The following KMT2C variants were observed in gnomAD, a reference collection of about 807,000 sequenced individuals.
KMT2C encodes lysine methyltransferase 2C.
In KMT2C, 88 loss-of-function variants were observed where a neutral mutation model predicts 507.9. The observed-to-expected ratio is 0.17, with a 90% confidence interval of 0.15 to 0.21. The LOEUF (loss-of-function observed/expected upper bound fraction) is 0.21, where lower values mean the gene tolerates loss of function less well. Ranked by LOEUF, KMT2C falls within the 10% of genes least tolerant of loss-of-function variation. The pLI is 1.00. For synonymous variants in KMT2C, 2,049 were observed against 2,080.8 expected, an observed-to-expected ratio of 0.98 and a Z score of 0.42; for missense variants, 4,954 against 5,957.8, an observed-to-expected ratio of 0.83 and a Z score of 5.55.
At chr7:152,376,477 A>G (rs2097329395) in intron 1 of KMT2C, among the ~76,000 whole-genome samples, 1 of 152,254 alleles carries the variant, frequency 6.6e-6, no homozygotes, top group African/African-American at 2.4e-5. Context: ...ATAAAATTAA[A>G]AGCACTATGT....
chr7:152,195,687 T>G (rs937876194), intron 28 of KMT2C: 1 of 318,418 alleles, frequency 3.1e-6, no homozygotes, highest in Non-Finnish European at 4.5e-6. Context: ...GCCTTAAATG[T>G]GATGCAATTA....
rs2129112936 is a variant in KMT2C at position 152,176,376 on chromosome 7, G to A, written c.9077C>T (p.Ser3026Phe). 6.2e-7 allele frequency: 1 copy of A among 1,614,160 alleles called. No individual in the cohort carries two copies. Reference sequence around the variant, plus strand: ...AGGAATCATTAGCTGTTGGGGTCCAGACATGCTACTGGTACCAGACTGACT... The same window carrying A: ...AGGAATCATTAGCTGTTGGGGTCCAAACATGCTACTGGTACCAGACTGACT... Reference protein sequence around the residue: ...QTSQSGTSSMSGPQQLMIPQT... With the variant: ...QTSQSGTSSMFGPQQLMIPQT... Residue 3026 changes from serine to phenylalanine, a missense_variant, in exon 38 of 59, where the codon TCT becomes TTT. Transcript: ENST00000262189.
chr7:152,250,158 CTCTTTT>C (rs1383146726), intron 12 of KMT2C, among the ~76,000 whole-genome samples: 3 of 152,042 alleles, frequency 2.0e-5, no homozygotes, highest in Admixed American at 6.6e-5. Flanking sequence ...TTGTCTTTTT[CTCTTTT>C]TCTTTAACAA....
chr7:152,324,112 T>C (rs1340644821), intron 3 of KMT2C, among the ~76,000 whole-genome samples: 1 of 151,642 alleles, frequency 6.6e-6, no homozygotes, highest in East Asian at 1.9e-4. Context: ...TTTTGAGATA[T>C]ACTACATAGT....
rs549686947 is a variant in KMT2C at position 152,230,687 on chromosome 7, G to A, written c.2770-366C>T. 5.3e-5 allele frequency among the ~76,000 whole-genome samples: 8 copies of A among 152,286 alleles called. No individual in the cohort carries two copies. The South Asian group carries it at 8.3e-4, about 16-fold the overall frequency. Reference sequence around the variant, plus strand: ...ACACACACTTGGGATCTGCAATGTAGCTAGTCTGAACTGAGATGTCCTGCA... The same window carrying A: ...ACACACACTTGGGATCTGCAATGTAACTAGTCTGAACTGAGATGTCCTGCA... On this transcript the variant is annotated intron_variant, in intron 16 of 58. Transcript: ENST00000262189.
intron 11 of KMT2C, 45 bp from the exon 12 acceptor site, chr7:152,251,011 T>C: frequency 9.4e-7 from 1 of 1,065,362 alleles, no homozygotes; most frequent in Non-Finnish European, 1.4e-6. Context: ...TGAGTTTTTT[T>C]CTTTGTTCAT....
chr7:152,333,604 C>CT (rs1249118265), intron 2 of KMT2C, among the ~76,000 whole-genome samples: 2 of 152,138 alleles, frequency 1.3e-5, no homozygotes, highest in Non-Finnish European at 2.9e-5. Flanking sequence ...AACTTTATCT[C>CT]TTATCGCTCA....
intron 22 of KMT2C, among the ~76,000 whole-genome samples, 156 bp downstream of exon 22, chr7:152,221,845 G>A (rs1448245177): frequency 6.6e-6 from 1 of 152,166 alleles, no homozygotes; most frequent in Non-Finnish European, 1.5e-5. Flanking sequence ...AAAGCTGGAT[G>A]ACATTTTATA....
At chr7:152,212,811 C>T (rs1386819082) in intron 23 of KMT2C, among the ~76,000 whole-genome samples, 5 of 152,194 alleles carry the variant, frequency 3.3e-5, no homozygotes, top group African/African-American at 9.7e-5. Context: ...GAGGCCAAGG[C>T]GGGTAGATCA....
At chr7:152,329,426 C>A (rs1384195296) in intron 3 of KMT2C, among the ~76,000 whole-genome samples, 1 of 151,810 alleles carries the variant, frequency 6.6e-6, no homozygotes, top group Non-Finnish European at 1.5e-5. Context: ...AAAAATTAGC[C>A]AAGTATGGTG....
In KMT2C at chr7:152,211,826, A is replaced by C. The variant is rs540377303; in HGVS notation, c.3713-4398T>G. Reference sequence around the variant, plus strand: ...CACCTTGGGAGGCTGAGGCGGGCGGATCACGAGGTCAGGAGATAGACACCA... The same window carrying C: ...CACCTTGGGAGGCTGAGGCGGGCGGCTCACGAGGTCAGGAGATAGACACCA... On this transcript the variant is annotated intron_variant, in intron 23 of 58. Coordinates refer to ENST00000262189, the MANE Select transcript of KMT2C (RefSeq NM_170606.3). Among the ~76,000 whole-genome samples, 5 of 151,942 alleles carry C rather than the reference A, an allele frequency of 3.3e-5. No individual in the cohort carries two copies. In the East Asian group the frequency reaches 9.7e-4, roughly 29 times the overall value.
rs564716850 is a variant in KMT2C, at chr7:152,154,438, C to G, written c.11968G>C (p.Asp3990His). The change falls in exon 47 of 59, where the codon GAT becomes CAT. Residue 3990 changes from aspartate (D) to histidine (H), a missense_variant. Transcript: ENST00000262189. ...GGAGTATCTCGATCACCACAGTGAT[C>G]CTGTATCCTGAAAAAACATAAACAC... ...HNNQEELRIQDHCGDRDTPDS... is the reference protein window; with the variant it reads ...HNNQEELRIQHHCGDRDTPDS... The G allele has an allele frequency of 3.7e-6, 6 of 1,612,536 alleles. No individual in the cohort carries two copies. In the African/African-American group the frequency reaches 8.0e-5, roughly 22 times the overall value.
chr7:152,256,763 G>A (rs1431694949), intron 9 of KMT2C, among the ~76,000 whole-genome samples: 5 of 152,040 alleles, frequency 3.3e-5, no homozygotes, highest in African/African-American at 4.8e-5. Context: ...ATGAAAAAAC[G>A]ATCAACTTCA....
At chr7:152,260,856 TAATCA>T (rs1282996840) in intron 9 of KMT2C, among the ~76,000 whole-genome samples, 8 of 152,300 alleles carry the variant, frequency 5.3e-5, no homozygotes, top group Non-Finnish European at 8.8e-5. Context: ...TAATCTAGGT[TAATCA>T]AATCAAACAG....
In KMT2C at chr7:152,162,131, G is replaced by A. The variant is rs1466148960; in HGVS notation, c.11446C>T (p.Pro3816Ser). The A allele has an allele frequency of 6.4e-7, 1 of 1,560,240 alleles. No individual in the cohort carries two copies. Among genetic ancestry groups the A allele is most frequent in the Admixed American group, 2.0e-5 (1 of 50,226 alleles). Residue 3816 changes from proline to serine, a missense_variant, in exon 43 of 59, where the codon CCA (proline) becomes TCA (serine). Coordinates refer to ENST00000262189, the MANE Select transcript of KMT2C (RefSeq NM_170606.3). ...TTTACACTTACCAGTCCTTCAGCTG[G>A]GTTCTGCTTCTCAACTAGTTTATTA... Reference protein sequence around the residue: ...KDNKLVEKQNPAEGLQTLGAQ... With the variant: ...KDNKLVEKQNSAEGLQTLGAQ...
intron 6 of KMT2C, among the ~76,000 whole-genome samples, chr7:152,294,365 T>C (rs1172826454): frequency 6.6e-6 from 1 of 152,236 alleles, no homozygotes; most frequent in Non-Finnish European, 1.5e-5. Context: ...ACATGATGAT[T>C]GAGTACTGAC....
intron 48 of KMT2C, among the ~76,000 whole-genome samples, chr7:152,153,494 C>T (rs1397576482): frequency 6.6e-6 from 1 of 152,182 alleles, no homozygotes; most frequent in Admixed American, 6.5e-5. Flanking sequence ...ATTTCTATTG[C>T]TTCTGCAAAA....
intron 56 of KMT2C, 90 bp from the exon 57 acceptor site, chr7:152,139,349 TGAACG>T (rs1563113912): frequency 8.4e-7 from 1 of 1,189,464 alleles, no homozygotes. Flanking sequence ...CAGTCGAAAC[TGAACG>T]GAACGGCAGC....
intron 4 of KMT2C, among the ~76,000 whole-genome samples, chr7:152,314,698 A>C (rs1229275935): frequency 1.3e-5 from 2 of 152,184 alleles, no homozygotes; most frequent in Non-Finnish European, 2.9e-5. Context: ...AAAAGACATG[A>C]GTAGTGAAAA....
Sources: allele counts gnomAD v4.1 joint callset (sites outside exome capture counted in the v4.1 genomes callset), GRCh38; gene constraint gnomAD v4.1.1; transcripts MANE v1.5; gene names NCBI Gene and HGNC (gene_info 2026-07-23, HGNC 2026-07-21).